Variants in RTF1 observed in about 807,000 individuals in gnomAD.
The protein encoded by RTF1 is RTF1 homolog, Paf1/RNA polymerase II complex component, also known as RNA polymerase-associated protein RTF1 homolog.
In RTF1, 10 loss-of-function variants were observed where a neutral mutation model predicts 95.7. The ratio of observed to expected loss-of-function variants is 0.10; its 90% CI spans 0.06 to 0.18. The LOEUF is 0.18. RTF1 is among the 10% of genes least tolerant of loss of function. RTF1 has a pLI of 1.00. For synonymous variants in RTF1, 305 were observed against 311.8 expected (o/e 0.98, Z 0.23); for missense variants, 458 against 875.6 (o/e 0.52, Z 6.02).
At chr15:41,429,701 G>A (rs1246785318) in intron 1 of RTF1, among the ~76,000 whole-genome samples, 2 of 152,020 alleles carry the variant, frequency 1.3e-5, no homozygotes, top group Non-Finnish European at 2.9e-5. Flanking sequence ...TCAGCTTCAG[G>A]GCCTTAGCTG....
At chr15:41,443,590 A>G (rs1226149119) in intron 2 of RTF1, among the ~76,000 whole-genome samples, 2 of 137,646 alleles carry the variant, frequency 1.5e-5, no homozygotes, top group African/African-American at 5.6e-5. Context: ...CCATTCAATC[A>G]TGAGTTGGGG....
intron 2 of RTF1, among the ~76,000 whole-genome samples, chr15:41,439,567 A>G (rs1330015056): frequency 2.0e-5 from 3 of 152,200 alleles, no homozygotes; most frequent in Non-Finnish European, 4.4e-5. Context: ...GGCAGGCCCT[A>G]AAAGATCCAA....
intron 2 of RTF1, among the ~76,000 whole-genome samples, chr15:41,444,077 C>A (rs2730057): frequency 0.33 from 47,821 of 144,400 alleles, 7,774 homozygotes; most frequent in African/African-American, 0.37. Context: ...CAAAAAAAAA[C>A]AAAGAAAAAG....
At chr15:41,417,442 T>C in intron 1 of RTF1, 129 bp downstream of exon 1, 1 of 741,956 alleles carries the variant, frequency 1.3e-6, no homozygotes. Context: ...TGGGCACCAC[T>C]ACAGCCCCTT....
intron 1 of RTF1, among the ~76,000 whole-genome samples, chr15:41,431,638 T>G (rs563958368): frequency 1.8e-4 from 27 of 152,110 alleles, no homozygotes; most frequent in African/African-American, 6.3e-4. Context: ...GCTGAGACTA[T>G]AGGCATGTGC....
At chr15:41,461,136 G>A (rs1254289157) in intron 4 of RTF1, among the ~76,000 whole-genome samples, 4 of 150,712 alleles carry the variant, frequency 2.7e-5, no homozygotes, top group Admixed American at 1.3e-4. Flanking sequence ...TCTGCCTCCC[G>A]GGTTCAAGCA....
At chr15:41,478,439 A>C in intron 14 of RTF1, 109 bp from the exon 15 acceptor site, 1 of 758,300 alleles carries the variant, frequency 1.3e-6, no homozygotes, top group Non-Finnish European at 2.2e-6. Flanking sequence ...AAAGGATAAT[A>C]GCTTTTTTTT....
chr15:41,461,914 T>C (rs982006530), intron 4 of RTF1, among the ~76,000 whole-genome samples: 13 of 151,268 alleles, frequency 8.6e-5, no homozygotes, highest in Non-Finnish European at 1.5e-4. Context: ...CCTGTAATTT[T>C]TTTTTCTTTT....
Position 41,480,690 on chromosome 15 carries a change from A to G in RTF1, c.*3A>G. The G allele has an allele frequency of 6.2e-7, 1 of 1,605,150 alleles. No individual in the cohort carries two copies. The highest frequency in any genetic ancestry group is 8.5e-7 in the Non-Finnish European group (1 of 1,171,796). On this transcript the variant is annotated 3_prime_UTR_variant, in exon 18 of 18. Transcript: ENST00000389629. ...AAAAACGACGAGGGCTTATTTGAGC[A>G]CACCCAGCCTGCTGCTTCTGACCCT...
At chr15:41,423,913 C>T (rs1227977511) in intron 1 of RTF1, among the ~76,000 whole-genome samples, 8 of 151,920 alleles carry the variant, frequency 5.3e-5, no homozygotes, top group African/African-American at 9.7e-5. Context: ...CCACCATGCC[C>T]GACTAATTTT....
At chr15:41,468,804 G>T (rs2050894927) in intron 6 of RTF1, among the ~76,000 whole-genome samples, 1 of 152,136 alleles carries the variant, frequency 6.6e-6, no homozygotes, top group African/African-American at 2.4e-5. Flanking sequence ...GTGAGACCCT[G>T]TTTCTGCAAT....
At chr15:41,449,227 ATTT>A (rs34660598) in intron 2 of RTF1, among the ~76,000 whole-genome samples, 5 of 109,286 alleles carry the variant, frequency 4.6e-5, no homozygotes, top group South Asian at 5.9e-4. Context: ...AGGCAGGTGA[ATTT>A]TTTTTTTTTT....
chr15:41,459,739 A>G (rs558664475), intron 4 of RTF1, among the ~76,000 whole-genome samples: 3 of 152,040 alleles, frequency 2.0e-5, no homozygotes, highest in Non-Finnish European at 4.4e-5. Flanking sequence ...TGGTTTTTGT[A>G]TTTTTTTAAA....
chr15:41,465,514 G>A (rs898767342), intron 5 of RTF1, among the ~76,000 whole-genome samples: 1 of 152,118 alleles, frequency 6.6e-6, no homozygotes, highest in African/African-American at 2.4e-5. Context: ...GGTGGCTTAT[G>A]CCTTTAATCC....
At chr15:41,426,409 G>A (rs963247652) in intron 1 of RTF1, among the ~76,000 whole-genome samples, 2 of 151,602 alleles carry the variant, frequency 1.3e-5, no homozygotes, top group East Asian at 2.0e-4. Context: ...GGATTCAAGC[G>A]ATTCTTCTGC....
chr15:41,476,565 A>G, intron 12 of RTF1, 42 bp downstream of exon 12: 1 of 1,539,658 alleles, frequency 6.5e-7, no homozygotes, highest in Non-Finnish European at 9.0e-7. Flanking sequence ...TCCTGTAAGG[A>G]GATGTGGAAA....
In RTF1 at chr15:41,475,516, T is replaced by G. The variant is rs762332136; in HGVS notation, c.1287-9T>G. 18 of 1,612,536 alleles carry G rather than the reference T, an allele frequency of 1.1e-5. No homozygotes were observed. Among genetic ancestry groups the G allele is most frequent in the Admixed American group, 3.3e-5 (2 of 59,984 alleles). ...CATTTCTTGGAGATGCTGTCTCTCT[T>G]TTATGTAGGCATGGCAATGACCAAC... On this transcript the variant is annotated splice_polypyrimidine_tract_variant and intron_variant, in intron 9 of 17. Transcript: ENST00000389629.
chr15:41,456,008 C>T (rs1434150323), intron 3 of RTF1, among the ~76,000 whole-genome samples: 1 of 151,580 alleles, frequency 6.6e-6, no homozygotes, highest in Non-Finnish European at 1.5e-5. Flanking sequence ...GTCAGGAGTT[C>T]GAGACCAGCT....
At chr15:41,457,962 G>A (rs2050827749) in intron 4 of RTF1, 86 bp downstream of exon 4, 3 of 1,017,578 alleles carry the variant, frequency 2.9e-6, no homozygotes, top group Non-Finnish European at 4.4e-6. Context: ...CTTCACACCT[G>A]ACCTACACAT....
Sources: gnomAD v4.1 joint callset for allele counts (sites outside exome capture counted in the v4.1 genomes callset) on GRCh38, gnomAD v4.1.1 for gene constraint, MANE v1.5 for transcripts, NCBI Gene and HGNC (gene_info 2026-07-23, HGNC 2026-07-21) for gene names.